AGAP1: variants seen among roughly 807,000 people sequenced by gnomAD.
AGAP1 encodes the protein arf-GAP with GTPase, ANK repeat and PH domain-containing protein 1.
A neutral mutation model predicts 105.3 loss-of-function variants in AGAP1; 29 were observed. That is an observed-to-expected ratio of 0.28 (90% CI 0.21 to 0.38). The LOEUF (loss-of-function observed/expected upper bound fraction) is 0.38, where lower values mean the gene tolerates loss of function less well. Among genes scored for constraint, AGAP1 ranks in the 10% least tolerant of loss-of-function variants. AGAP1 has a pLI of 1.00. For synonymous variants in AGAP1, 509 were observed against 485.9 expected (o/e 1.05, Z -0.63); for missense variants, 998 against 1,165.1 (o/e 0.86, Z 2.09).
At chr2:235,670,831 G>T in intron 1 of AGAP1, 1 of 1,422,342 alleles carries the variant, frequency 7.0e-7, no homozygotes, top group South Asian at 1.4e-5. Flanking sequence ...ACAGCGACCT[G>T]CAGCGGCTGG....
At chr2:235,503,070 C>CT (rs1941634644) in intron 1 of AGAP1, among the ~76,000 whole-genome samples, 1 of 152,218 alleles carries the variant, frequency 6.6e-6, no homozygotes, top group South Asian at 2.1e-4. Context: ...AAGACCTACC[C>CT]TTTTTTCAGG....
chr2:235,742,724 AGTAG>A (rs1211890508), intron 4 of AGAP1, among the ~76,000 whole-genome samples: 1 of 152,254 alleles, frequency 6.6e-6, no homozygotes, highest in Non-Finnish European at 1.5e-5. Flanking sequence ...AGGAGAAAGA[AGTAG>A]GTAACATTTA....
chr2:235,759,849 G>A (rs749343461), intron 6 of AGAP1, among the ~76,000 whole-genome samples: 1 of 152,020 alleles, frequency 6.6e-6, no homozygotes, highest in Admixed American at 6.5e-5. Flanking sequence ...AACTGAAATA[G>A]CAAATTAATA....
chr2:236,124,782 G>A lies in AGAP1; in HGVS notation c.*660G>A, dbSNP rs1025478371. The A allele has an allele frequency of 3.9e-5, 6 of 154,350 alleles. No homozygotes were observed. The highest frequency in any genetic ancestry group is 1.2e-4 in the African/African-American group (5 of 41,458). 9.6% of individuals were successfully genotyped at this position (154,350 alleles called of 1,614,324 possible). A position where few individuals can be genotyped will look rare whatever the true frequency, so the allele number is the denominator to read the frequency against. On this transcript the variant is annotated 3_prime_UTR_variant, in exon 18 of 18. Coordinates refer to ENST00000304032, the MANE Select transcript of AGAP1 (RefSeq NM_001037131.3). This position sits in a 1 kb window ranked among gnomAD's most constrained non-coding sequence, Gnocchi z 5.1. ...GCATATTAGCCGAGGAGGTAGTCAC[G>A]CGGCACGCGCCGGTGATTGCCACGA...
Position 236,080,114 on chromosome 2 carries a change from T to C in AGAP1, c.2114+30833T>C, listed in dbSNP as rs1463313181. Among the ~76,000 whole-genome samples, 2 of 152,214 alleles carry C rather than the reference T, an allele frequency of 1.3e-5. No homozygotes were observed. The highest frequency in any genetic ancestry group is 2.9e-5 in the Non-Finnish European group (2 of 68,036). On this transcript the variant is annotated intron_variant, in intron 16 of 17. Coordinates refer to ENST00000304032, the MANE Select transcript of AGAP1 (RefSeq NM_001037131.3). The surrounding 1 kb of genome is among the most constrained non-coding windows in gnomAD (Gnocchi z 4.2). ...GCATTGCAGGAGAGGAACCCTAAGC[T>C]TAGGAACCAAATCTTCTACAGTGGG...
At chr2:236,102,350 A>G (rs929242849) in intron 16 of AGAP1, among the ~76,000 whole-genome samples, 14 of 150,192 alleles carry the variant, frequency 9.3e-5, no homozygotes, top group Admixed American at 2.0e-4. Flanking sequence ...CCCGGGAGGC[A>G]GAGCTTGCAT....
chr2:235,518,655 A>G lies in AGAP1; in HGVS notation c.163+23806A>G, dbSNP rs573872256. ...TAGGACAAAGAGAAAGGAGAGTGAC[A>G]TGGTGTTTTGAATATTTTAGTAAGA... On this transcript the variant is annotated intron_variant, in intron 1 of 17. Transcript: ENST00000304032. Among the ~76,000 whole-genome samples, 3 of 152,324 alleles carry G rather than the reference A, an allele frequency of 2.0e-5. No homozygotes were observed. In the South Asian group the frequency reaches 6.2e-4, roughly 32 times the overall value.
At chr2:235,512,611 ATCAATCAG>A (rs1336703199) in intron 1 of AGAP1, among the ~76,000 whole-genome samples, 2 of 152,024 alleles carry the variant, frequency 1.3e-5, no homozygotes, top group East Asian at 1.9e-4. Flanking sequence ...CAGTCAATCA[ATCAATCAG>A]TCAATCCATG....
rs952794840 is a variant in AGAP1 at position 236,002,368 on chromosome 2, C to G, written c.1645+33745C>G. 6.6e-6 allele frequency among the ~76,000 whole-genome samples: 1 copy of G among 152,214 alleles called. No homozygotes were observed. The highest frequency in any genetic ancestry group is 2.4e-5 in the African/African-American group (1 of 41,460). ...CAGTCTGCAAATGACTTTCCTTCTTCCCTCATCCCCTTTCCCATCCTCACT... is the reference window on the plus strand; with the variant it reads ...CAGTCTGCAAATGACTTTCCTTCTTGCCTCATCCCCTTTCCCATCCTCACT... On this transcript the variant is annotated intron_variant, in intron 13 of 17. Coordinates refer to ENST00000304032, the MANE Select transcript of AGAP1 (RefSeq NM_001037131.3). This position sits in a 1 kb window ranked among gnomAD's most constrained non-coding sequence, Gnocchi z 4.3.
Position 235,888,527 on chromosome 2 carries a change from G to A in AGAP1, c.1155+5078G>A, listed in dbSNP as rs538111375. Among the ~76,000 whole-genome samples, 61 of 151,980 alleles carry A rather than the reference G, an allele frequency of 4.0e-4. No homozygotes were observed. The highest frequency in any genetic ancestry group is 6.6e-5 in the Admixed American group (1 of 15,254). ...TAGACCTGCCTGGGCAACATGGAGA[G>A]ACCCCATCTCTACAACAAATAAAAA... On this transcript the variant is annotated intron_variant, in intron 10 of 17. Coordinates refer to ENST00000304032, the MANE Select transcript of AGAP1 (RefSeq NM_001037131.3). This position sits in a 1 kb window ranked among gnomAD's most constrained non-coding sequence, Gnocchi z 4.8.
chr2:235,893,107 G>C lies in AGAP1; in HGVS notation c.1155+9658G>C, dbSNP rs564613728. 2.0e-5 allele frequency among the ~76,000 whole-genome samples: 3 copies of C among 151,572 alleles called. No individual in the cohort carries two copies. Among genetic ancestry groups the C allele is most frequent in the Non-Finnish European group, 4.4e-5 (3 of 67,852 alleles). On this transcript the variant is annotated intron_variant, in intron 10 of 17. Coordinates refer to ENST00000304032, the MANE Select transcript of AGAP1 (RefSeq NM_001037131.3). The surrounding 1 kb of genome is among the most constrained non-coding windows in gnomAD (Gnocchi z 4.7). ...GCTGTGTCTGTGGTGCGGGTGTGCT[G>C]TGTCCTCATAAGGGTGCGCCATGTC...
chr2:235,523,945 C>A (rs927502076), intron 1 of AGAP1, among the ~76,000 whole-genome samples: 1 of 149,474 alleles, frequency 6.7e-6, no homozygotes, highest in Non-Finnish European at 1.5e-5. Context: ...TGACCCTGCA[C>A]GGATGAGGCC....
chr2:235,597,592 T>C (rs1306752482), intron 1 of AGAP1, among the ~76,000 whole-genome samples: 1 of 152,224 alleles, frequency 6.6e-6, no homozygotes, highest in Non-Finnish European at 1.5e-5. Context: ...ATACTATTAT[T>C]ATTTTAGGGT....
At chr2:235,527,284 T>G (rs914285232) in intron 1 of AGAP1, among the ~76,000 whole-genome samples, 1 of 152,174 alleles carries the variant, frequency 6.6e-6, no homozygotes, top group African/African-American at 2.4e-5. Flanking sequence ...ATCAAGCAGT[T>G]ATTAATAAGT....
chr2:235,853,923 C>T (rs929981426), intron 9 of AGAP1, among the ~76,000 whole-genome samples: 2 of 151,878 alleles, frequency 1.3e-5, no homozygotes, highest in African/African-American at 4.8e-5. Context: ...TTGTCAGCCT[C>T]CCATGTGGAG....
chr2:236,121,914 T>C lies in AGAP1; in HGVS notation c.2370+1467T>C, dbSNP rs1182041402. Among the ~76,000 whole-genome samples the C allele has an allele frequency of 6.6e-6, 1 of 152,110 alleles. No homozygotes were observed. Among genetic ancestry groups the C allele is most frequent in the African/African-American group, 2.4e-5 (1 of 41,418 alleles). On this transcript the variant is annotated intron_variant, in intron 17 of 17. Transcript: ENST00000304032. The surrounding 1 kb of genome is among the most constrained non-coding windows in gnomAD (Gnocchi z 4.9). ...CCTCTCCCTATGTTCTCACAGGGCC[T>C]TTCCTCTGCACTCGCTCCTGGTAGC...
intron 1 of AGAP1, among the ~76,000 whole-genome samples, chr2:235,546,844 A>G (rs1943638565): frequency 6.6e-6 from 1 of 152,164 alleles, no homozygotes; most frequent in South Asian, 2.1e-4. Context: ...CTAAATGAAA[A>G]GGTTTTTATC....
rs1189109272 is a variant in AGAP1, at chr2:235,988,295, G to A, written c.1645+19672G>A. Among the ~76,000 whole-genome samples the A allele has an allele frequency of 2.0e-5, 3 of 152,074 alleles. No homozygotes were observed. Among genetic ancestry groups the A allele is most frequent in the Non-Finnish European group, 4.4e-5 (3 of 68,022 alleles). On this transcript the variant is annotated intron_variant, in intron 13 of 17. Transcript: ENST00000304032. This position sits in a 1 kb window ranked among gnomAD's most constrained non-coding sequence, Gnocchi z 4.7. ...TGACTTCAGGTGATCCACCTGCCTC[G>A]GCCTCCCAAAGTGGTAGGATTACAG...
intron 2 of AGAP1, among the ~76,000 whole-genome samples, chr2:235,715,520 A>G (rs1444468572): frequency 1.3e-5 from 2 of 152,296 alleles, no homozygotes; most frequent in South Asian, 2.1e-4. Flanking sequence ...CGGCAAGTTC[A>G]TGGACCTGCT....
Sources: allele counts gnomAD v4.1 joint callset (sites outside exome capture counted in the v4.1 genomes callset), GRCh38; gene constraint gnomAD v4.1.1; non-coding constraint Gnocchi (gnomAD v3.1); transcripts MANE v1.5; gene names NCBI Gene and HGNC (gene_info 2026-07-23, HGNC 2026-07-21).